The following LYRM4 variants were observed in gnomAD, a reference collection of about 807,000 sequenced individuals.
LYRM4 encodes the protein LYR motif-containing protein 4.
A neutral mutation model predicts 11.7 loss-of-function variants in LYRM4; 9 were observed. The ratio of observed to expected loss-of-function variants is 0.77; its 90% CI spans 0.46 to 1.34. LYRM4 has a LOEUF of 1.34. Among genes scored for constraint, LYRM4 ranks in the 40% most tolerant of loss-of-function variants. LYRM4 has a pLI of 0.00. For missense variants in LYRM4, 133 were observed against 112.5 expected (o/e 1.18, Z -0.82); for synonymous variants, 42 against 40.4 (o/e 1.04, Z -0.15).
the LYRM4 span, among the ~76,000 whole-genome samples, chr6:5,097,646 C>T: frequency 3.9e-5 from 6 of 152,166 alleles, no homozygotes; most frequent in Non-Finnish European, 8.8e-5. Context: ...CCACTGTACC[C>T]GGCCAATAAA....
downstream of LYRM4, among the ~76,000 whole-genome samples, chr6:5,099,206 AT>A (rs55959342): frequency 0.012 from 1,781 of 146,220 alleles, 34 homozygotes; most frequent in African/African-American, 0.042. This position sits in a 1 kb window ranked among gnomAD's most constrained non-coding sequence, Gnocchi z 4.3. Flanking sequence ...TACTTATATA[AT>A]TTTTTTTTTT....
chr6:5,097,831 G>A, the LYRM4 span, among the ~76,000 whole-genome samples: 1 of 152,080 alleles, frequency 6.6e-6, no homozygotes. Context: ...ACATTGTTAC[G>A]ACATCATACA....
intron 2 of LYRM4, among the ~76,000 whole-genome samples, chr6:5,170,941 T>C (rs1581429182): frequency 6.6e-6 from 1 of 152,316 alleles, no homozygotes; most frequent in Non-Finnish European, 1.5e-5. Flanking sequence ...CTGCGTTGAG[T>C]GTACCCTATG....
intron 2 of LYRM4, among the ~76,000 whole-genome samples, chr6:5,181,432 C>T (rs1760068394): frequency 6.6e-6 from 1 of 152,224 alleles, no homozygotes; most frequent in Non-Finnish European, 1.5e-5. Flanking sequence ...TCCCCGTCAA[C>T]ACACACAATA....
chr6:5,197,824 G>A (rs1465043110), intron 2 of LYRM4, among the ~76,000 whole-genome samples: 2 of 151,952 alleles, frequency 1.3e-5, no homozygotes, highest in Non-Finnish European at 2.9e-5. Context: ...GGGAGGATTT[G>A]AGCCTCAGTT....
downstream of LYRM4, chr6:5,107,017 T>C (rs1402619419): frequency 6.6e-6 from 1 of 152,288 alleles, no homozygotes; most frequent in Non-Finnish European, 1.5e-5. Flanking sequence ...GTCATCTCAG[T>C]TGGGGAGTAC....
chr6:5,249,901 C>G (rs1481266135), intron 1 of LYRM4, among the ~76,000 whole-genome samples: 1 of 152,130 alleles, frequency 6.6e-6, no homozygotes, highest in Non-Finnish European at 1.5e-5. Flanking sequence ...ACATGAAGTA[C>G]CTTTCATCCT....
chr6:5,086,309 A>C, the LYRM4 span: 1 of 1,535,678 alleles, frequency 6.5e-7, no homozygotes, highest in East Asian at 2.4e-5. Flanking sequence ...CTGGAGCCAC[A>C]GCAGCCAGAG....
intron 1 of LYRM4, among the ~76,000 whole-genome samples, chr6:5,233,748 C>A (rs1763377044): frequency 6.6e-6 from 1 of 152,260 alleles, no homozygotes; most frequent in African/African-American, 2.4e-5. Context: ...GTAGCTGACA[C>A]TACAGGCCCA....
At chr6:5,086,313 G>GC in the LYRM4 span, 2 of 1,535,728 alleles carry the variant, frequency 1.3e-6, no homozygotes, top group Non-Finnish European at 1.7e-6. Flanking sequence ...AGCCACAGCA[G>GC]CCAGAGGCAC....
chr6:5,112,265 C>G (rs411483), intron 2 of LYRM4, among the ~76,000 whole-genome samples: 142,858 of 152,310 alleles, frequency 0.94, 67,131 homozygotes, highest in African/African-American at 0.99. Flanking sequence ...CCCTTCTCCA[C>G]CCCCCTGAGA....
At chr6:5,198,758 G>A (rs551907819) in intron 2 of LYRM4, among the ~76,000 whole-genome samples, 2 of 152,246 alleles carry the variant, frequency 1.3e-5, no homozygotes, top group South Asian at 2.1e-4. Flanking sequence ...GTCCATCCCC[G>A]CCTCCCTGCT....
At position 5,108,707 on chromosome 6, in the gene LYRM4, C is replaced by T. The variant is rs1762744151; in HGVS notation, c.*716G>A. On this transcript the variant is annotated 3_prime_UTR_variant, in exon 3 of 3. Transcript: ENST00000330636. The stretch of plus-strand genomic sequence containing the variant: ...TATGGGAGTCGCCCTGGGCTTGGGT[C>T]AGGCTGGGGCTCTCTCATTCACCAG... The T allele has an allele frequency of 1.1e-6, 1 of 895,596 alleles. No individual in the cohort carries two copies. The highest frequency in any genetic ancestry group is 1.3e-6 in the Non-Finnish European group (1 of 747,494). The allele number at this position is 895,596 out of a possible 1,614,324, so 55.5% of individuals were successfully genotyped here.
chr6:5,170,486 A>T (rs1759364720), intron 2 of LYRM4, among the ~76,000 whole-genome samples: 1 of 71,736 alleles, frequency 1.4e-5, no homozygotes, highest in South Asian at 3.2e-4. Context: ...TATTTCTTTT[A>T]TTTATTTATT....
At position 5,203,944 on chromosome 6, in the gene LYRM4, G is replaced by A. The variant is rs147201636; in HGVS notation, c.207+12674C>T. Among the ~76,000 whole-genome samples the A allele has an allele frequency of 3.9e-3, 594 of 152,340 alleles. 6 individuals are homozygous for A. Among genetic ancestry groups the A allele is most frequent in the Admixed American group, 8.5e-3 (130 of 15,308 alleles). On this transcript the variant is annotated intron_variant, in intron 2 of 2. Coordinates refer to ENST00000330636, the MANE Select transcript of LYRM4 (RefSeq NM_020408.6). ...GGAAAAAGCAGTTTGAAGTATAGATGAGGCTGCAGCTGTCTCTTACTTACT... is the reference window on the plus strand; with the variant it reads ...GGAAAAAGCAGTTTGAAGTATAGATAAGGCTGCAGCTGTCTCTTACTTACT...
At chr6:5,058,054 T>C in the LYRM4 span, among the ~76,000 whole-genome samples, 1 of 152,152 alleles carries the variant, frequency 6.6e-6, no homozygotes, top group Non-Finnish European at 1.5e-5. Flanking sequence ...ACCCTGCCTC[T>C]ATTCAGTTAT....
the LYRM4 span, chr6:5,085,638 C>T: frequency 2.6e-6 from 4 of 1,548,744 alleles, no homozygotes; most frequent in South Asian, 4.8e-5. Context: ...CGAGTCCTGA[C>T]GCTCAGCTAG....
intron 2 of LYRM4, chr6:5,138,792 GAA>G: frequency 7.4e-7 from 1 of 1,359,784 alleles, no homozygotes; most frequent in South Asian, 1.3e-5. Context: ...TTAACAGAAA[GAA>G]AGAGTTCTTT....
chr6:5,109,546 A>G, intron 2 of LYRM4, 55 bp from the exon 3 acceptor site: 1 of 1,522,996 alleles, frequency 6.6e-7, no homozygotes, highest in Non-Finnish European at 9.1e-7. Flanking sequence ...GCCCCTGGGA[A>G]AGGCCAGAAG....
Sources: allele counts gnomAD v4.1 joint callset (sites outside exome capture counted in the v4.1 genomes callset), GRCh38; gene constraint gnomAD v4.1.1; non-coding constraint Gnocchi (gnomAD v3.1); transcripts MANE v1.5; gene names NCBI Gene and HGNC (gene_info 2026-07-23, HGNC 2026-07-21).